Variants in COL25A1 observed in about 807,000 individuals in gnomAD.
COL25A1 encodes collagen type XXV alpha 1 chain, also known as collagen alpha-1(XXV) chain.
COL25A1 carries 103 observed loss-of-function variants against 128.4 expected under a neutral mutation model. The ratio of observed to expected loss-of-function variants is 0.80; its 90% confidence interval spans 0.68 to 0.94. The LOEUF (loss-of-function observed/expected upper bound fraction) is 0.94, where lower values mean the gene tolerates loss of function less well. Ranked by LOEUF, COL25A1 falls within the 40% of genes least tolerant of loss-of-function variation. The pLI, the probability that COL25A1 is intolerant of heterozygous loss-of-function variation, is 0.00. For synonymous variants in COL25A1, 279 were observed against 277.2 expected, an observed-to-expected ratio of 1.01 and a Z score of -0.06; for missense variants, 745 against 840.0, an observed-to-expected ratio of 0.89 and a Z score of 1.40.
At chr4:109,049,076 CA>C (rs1440984456) in intron 4 of COL25A1, among the ~76,000 whole-genome samples, 2 of 151,962 alleles carry the variant, frequency 1.3e-5, no homozygotes, top group Non-Finnish European at 2.9e-5. Flanking sequence ...TAAATTTTCA[CA>C]AATGCTTTTT....
chr4:109,205,012 C>T (rs1776865580), intron 3 of COL25A1, among the ~76,000 whole-genome samples: 1 of 152,116 alleles, frequency 6.6e-6, no homozygotes, highest in African/African-American at 2.4e-5. Flanking sequence ...TGTGATTGTT[C>T]CAATATAAAA....
chr4:108,808,961 C>A lies in COL25A1; in HGVS notation c.*4966G>T, dbSNP rs1730588087. 1.3e-5 allele frequency: 2 copies of A among 152,156 alleles called. No individual in the cohort carries two copies. Among genetic ancestry groups the A allele is most frequent in the African/African-American group, 4.8e-5 (2 of 41,432 alleles). 9.4% of individuals were successfully genotyped at this position (152,156 alleles called of 1,614,324 possible). ...TATCTCCAAACCGCAAATCAAAAAT[C>A]TTATGCATCTTTTGATACAGTAATG... On this transcript the variant is annotated 3_prime_UTR_variant, in exon 38 of 38. Coordinates refer to ENST00000399132, the MANE Select transcript of COL25A1 (RefSeq NM_198721.4).
intron 3 of COL25A1, among the ~76,000 whole-genome samples, chr4:109,057,007 A>G (rs113822075): frequency 0.099 from 15,110 of 152,150 alleles, 778 homozygotes; most frequent in Middle Eastern, 0.11. Flanking sequence ...CTACAGGCAC[A>G]TACCACCACA....
chr4:108,815,038 T>C (rs1475660990), intron 37 of COL25A1, among the ~76,000 whole-genome samples: 1 of 152,220 alleles, frequency 6.6e-6, no homozygotes, highest in Admixed American at 6.5e-5. Context: ...CCAAAAAATG[T>C]GTCTATAGGA....
chr4:109,197,480 TA>T (rs1186488250), intron 3 of COL25A1, among the ~76,000 whole-genome samples: 6 of 117,786 alleles, frequency 5.1e-5, no homozygotes, highest in South Asian at 4.6e-4. Context: ...TAATATATAT[TA>T]TATATTATAT....
intron 3 of COL25A1, among the ~76,000 whole-genome samples, chr4:109,273,210 AATTG>A (rs554132105): frequency 1.7e-4 from 26 of 152,182 alleles, no homozygotes; most frequent in Non-Finnish European, 3.4e-4. Context: ...CCAGATTCTC[AATTG>A]ATTAAAAAAG....
intron 8 of COL25A1, chr4:108,942,162 T>A: frequency 6.5e-7 from 1 of 1,534,066 alleles, no homozygotes; most frequent in Non-Finnish European, 8.8e-7. Context: ...CTCACGCTTA[T>A]GCTGATTGCA....
At chr4:108,868,437 T>C (rs1275776112) in intron 20 of COL25A1, among the ~76,000 whole-genome samples, 2 of 148,958 alleles carry the variant, frequency 1.3e-5, no homozygotes, top group African/African-American at 5.0e-5. Context: ...TCTTTCAACA[T>C]AGTGGACTAA....
At chr4:109,108,030 C>A (rs527795679) in intron 3 of COL25A1, among the ~76,000 whole-genome samples, 1 of 152,242 alleles carries the variant, frequency 6.6e-6, no homozygotes, top group South Asian at 2.1e-4. Flanking sequence ...ATGTACATGG[C>A]CAATTTTTTT....
intron 26 of COL25A1, among the ~76,000 whole-genome samples, chr4:108,850,692 C>A (rs1360941073): frequency 6.6e-6 from 1 of 152,118 alleles, no homozygotes; most frequent in South Asian, 2.1e-4. Context: ...TATCTCCCTC[C>A]CTAGGCCATA....
At position 109,222,284 on chromosome 4, in the gene COL25A1, G is replaced by T. The variant is rs891630909; in HGVS notation, c.367+78299C>A. ...TCACCATGTTGGCCAGGATGGTCTC[G>T]ATCTCCTGACCTCGTGATCCGCCCG... On this transcript the variant is annotated intron_variant, in intron 3 of 37. Transcript: ENST00000399132. 4.6e-5 allele frequency among the ~76,000 whole-genome samples: 7 copies of T among 151,660 alleles called. 1 individual carries two copies. The highest frequency in any genetic ancestry group is 3.9e-4 in the Admixed American group (6 of 15,216).
chr4:109,021,932 G>A (rs944218629), intron 5 of COL25A1: 16 of 355,044 alleles, frequency 4.5e-5, no homozygotes, highest in South Asian at 1.5e-4. Context: ...CTCTGCTCTC[G>A]AACCCTGTTT....
At chr4:108,917,191 T>C (rs2125894184) in intron 13 of COL25A1, among the ~76,000 whole-genome samples, 1 of 152,266 alleles carries the variant, frequency 6.6e-6, no homozygotes, top group East Asian at 1.9e-4. Context: ...TCTTAGCAAC[T>C]TACTAGGTTT....
chr4:108,938,539 G>A (rs1285462230), intron 10 of COL25A1, among the ~76,000 whole-genome samples: 2 of 152,138 alleles, frequency 1.3e-5, no homozygotes, highest in African/African-American at 2.4e-5. Context: ...GACGGCGTCT[G>A]TGAATAGCCA....
intron 3 of COL25A1, among the ~76,000 whole-genome samples, chr4:109,116,330 G>A (rs1303812017): frequency 1.3e-5 from 2 of 152,202 alleles, no homozygotes; most frequent in East Asian, 1.9e-4. Flanking sequence ...TCCATCAGGA[G>A]AATCTATTTT....
intron 3 of COL25A1, among the ~76,000 whole-genome samples, chr4:109,059,113 C>T (rs974286089): frequency 6.6e-6 from 1 of 152,146 alleles, no homozygotes; most frequent in East Asian, 1.9e-4. Flanking sequence ...GCACAAAATA[C>T]TAGGAAATAA....
chr4:109,267,769 T>C (rs1372185512), intron 3 of COL25A1, among the ~76,000 whole-genome samples: 1 of 152,130 alleles, frequency 6.6e-6, no homozygotes, highest in Non-Finnish European at 1.5e-5. Context: ...TGTAAGTATA[T>C]AATGCAAATA....
chr4:109,154,686 T>TA (rs1297959619), intron 3 of COL25A1, among the ~76,000 whole-genome samples: 6 of 152,148 alleles, frequency 3.9e-5, no homozygotes, highest in Admixed American at 1.3e-4. Flanking sequence ...TCATCATCAA[T>TA]AAGCTTATGC....
chr4:109,093,637 T>A (rs995889332), intron 3 of COL25A1, among the ~76,000 whole-genome samples: 2 of 151,618 alleles, frequency 1.3e-5, no homozygotes, highest in Non-Finnish European at 2.9e-5. Context: ...CAAGACCCTA[T>A]CTCTTAAAAG....
Sources: gnomAD v4.1 joint callset for allele counts (sites outside exome capture counted in the v4.1 genomes callset) on GRCh38, gnomAD v4.1.1 for gene constraint, MANE v1.5 for transcripts, NCBI Gene and HGNC (gene_info 2026-07-23, HGNC 2026-07-21) for gene names.